Variants in WDR41 observed in about 807,000 individuals in gnomAD.
WDR41 encodes the protein WD repeat domain 41, also known as WD repeat-containing protein 41.
In WDR41, 63 loss-of-function variants were observed where a neutral mutation model predicts 69.3. The observed-to-expected ratio is 0.91, with a 90% CI of 0.74 to 1.12. WDR41 has a LOEUF of 1.12. Ranked by LOEUF, WDR41 falls within the 50% of genes most tolerant of loss-of-function variation. The pLI is 0.00. For missense variants in WDR41, 543 were observed against 534.5 expected (o/e 1.02, Z -0.16); for synonymous variants, 185 against 192.1 (o/e 0.96, Z 0.31).
chr5:77,501,335 C>A (rs1332383733), intron 1 of WDR41, among the ~76,000 whole-genome samples: 1 of 152,342 alleles, frequency 6.6e-6, no homozygotes, highest in East Asian at 1.9e-4. Context: ...GAGCATCCAC[C>A]ATTGCTGAGG....
Position 77,582,799 on chromosome 5 carries a change from T to C in WDR41, c.42+37680A>G, listed in dbSNP as rs545876998. ...GAGGATTGTAGAGCCATATATAGCATGGGGGTACCCCAATCTGAAGTCAGT... is the reference window on the plus strand; with the variant it reads ...GAGGATTGTAGAGCCATATATAGCACGGGGGTACCCCAATCTGAAGTCAGT... On this transcript the variant is annotated intron_variant, in intron 1 of 5. Transcript: ENST00000509971. 55 of 1,601,258 alleles carry C rather than the reference T, an allele frequency of 3.4e-5. 1 individual carries two copies. In the Middle Eastern group the frequency reaches 1.9e-3, roughly 55 times the overall value.
At chr5:77,561,221 T>A (rs1256653422) in intron 1 of WDR41, among the ~76,000 whole-genome samples, 5 of 152,134 alleles carry the variant, frequency 3.3e-5, no homozygotes, top group African/African-American at 1.2e-4. Flanking sequence ...CATATCAGTG[T>A]GATATAATTC....
chr5:77,559,551 A>G (rs963225676), intron 1 of WDR41, among the ~76,000 whole-genome samples: 1 of 151,934 alleles, frequency 6.6e-6, no homozygotes, highest in Admixed American at 6.6e-5. Context: ...TATGGACATG[A>G]TTTTTATATA....
At chr5:77,512,832 C>T (rs144115297) in intron 1 of WDR41, among the ~76,000 whole-genome samples, 239 of 150,738 alleles carry the variant, frequency 1.6e-3, no homozygotes, top group African/African-American at 5.3e-3. Flanking sequence ...ACACTGAAAT[C>T]AAATTAATAT....
intron 1 of WDR41, among the ~76,000 whole-genome samples, chr5:77,619,373 G>T (rs549752322): frequency 6.6e-6 from 1 of 152,206 alleles, no homozygotes; most frequent in Non-Finnish European, 1.5e-5. Context: ...AGAAACAAAA[G>T]TCCTGAATCT....
intron 4 of WDR41, among the ~76,000 whole-genome samples, chr5:77,461,508 T>G (rs1189753064): frequency 6.6e-6 from 1 of 152,222 alleles, no homozygotes; most frequent in Admixed American, 6.5e-5. Context: ...TGCTTGAAAG[T>G]GTTTACACAG....
chr5:77,587,464 GCAGTACGA>G (rs1435353732), intron 1 of WDR41, among the ~76,000 whole-genome samples: 1 of 152,138 alleles, frequency 6.6e-6, no homozygotes, highest in Admixed American at 6.5e-5. Context: ...ACTCTCACCA[GCAGTACGA>G]CAGTTCCCAT....
chr5:77,451,185 G>A, intron 7 of WDR41, 106 bp downstream of exon 7: 1 of 992,644 alleles, frequency 1.0e-6, no homozygotes, highest in Non-Finnish European at 1.6e-6. Context: ...GAAGCCAAGA[G>A]TGGGGCACAC....
chr5:77,450,426 T>C (rs1294346606), intron 7 of WDR41, among the ~76,000 whole-genome samples: 1 of 152,260 alleles, frequency 6.6e-6, no homozygotes, highest in Non-Finnish European at 1.5e-5. Context: ...CTTCTGACTA[T>C]AGTAATGTTC....
At position 77,471,161 on chromosome 5, in the gene WDR41, T is replaced by C. The variant is rs1257990962; in HGVS notation, c.168-6352A>G. Among the ~76,000 whole-genome samples the C allele has an allele frequency of 2.0e-5, 3 of 152,214 alleles. No individual in the cohort carries two copies. In the East Asian group the frequency reaches 5.8e-4, roughly 29 times the overall value. ...TCAACTACATGGAAACTGAACAACC[T>C]GCTCCTGAATGACTACTGGGTACAT... is the stretch of plus-strand genomic sequence containing the variant. On this transcript the variant is annotated intron_variant, in intron 2 of 12. Transcript: ENST00000296679.
intron 1 of WDR41, among the ~76,000 whole-genome samples, chr5:77,540,890 T>G (rs1465308601): frequency 6.6e-6 from 1 of 152,198 alleles, no homozygotes; most frequent in Admixed American, 6.5e-5. Flanking sequence ...AAAAGGAGAA[T>G]GTCTTGTTTC....
At chr5:77,526,393 T>G (rs1375852338) in intron 1 of WDR41, among the ~76,000 whole-genome samples, 1 of 152,146 alleles carries the variant, frequency 6.6e-6, no homozygotes, top group Non-Finnish European at 1.5e-5. Flanking sequence ...ATGTTCAAGT[T>G]TCCTTATTTG....
chr5:77,605,499 A>T (rs1208445977), intron 1 of WDR41, among the ~76,000 whole-genome samples: 1 of 152,216 alleles, frequency 6.6e-6, no homozygotes, highest in Non-Finnish European at 1.5e-5. Context: ...TTTTGTGTAC[A>T]GTCTTGTGAG....
upstream of WDR41, chr5:77,492,473 G>C: frequency 2.3e-6 from 1 of 430,864 alleles, no homozygotes; most frequent in Non-Finnish European, 4.0e-6. Context: ...GGCGGGGGCG[G>C]CTGCGGCGAT....
chr5:77,437,286 G>T, intron 11 of WDR41, 50 bp downstream of exon 11: 1 of 1,480,074 alleles, frequency 6.8e-7, no homozygotes, highest in Non-Finnish European at 9.4e-7. Context: ...TGCCTTTCAC[G>T]TGAGAAAAAA....
chr5:77,445,508 C>T (rs949190948), intron 8 of WDR41, among the ~76,000 whole-genome samples: 9 of 152,234 alleles, frequency 5.9e-5, no homozygotes, highest in Admixed American at 3.9e-4. Context: ...TTATGAACAT[C>T]GATGCGAAAA....
chr5:77,451,558 T>A, intron 6 of WDR41: 1 of 559,154 alleles, frequency 1.8e-6, no homozygotes. Flanking sequence ...ACATTATTGA[T>A]TTATTAAGAG....
intron 1 of WDR41, among the ~76,000 whole-genome samples, chr5:77,520,365 A>C (rs1802354316): frequency 1.3e-5 from 2 of 152,154 alleles, no homozygotes; most frequent in South Asian, 4.1e-4. Context: ...TTAACCCATT[A>C]ATTTTCACAC....
intron 1 of WDR41, among the ~76,000 whole-genome samples, chr5:77,520,990 G>A (rs1271707529): frequency 6.6e-6 from 1 of 152,078 alleles, no homozygotes; most frequent in African/African-American, 2.4e-5. Context: ...CTCATCCTCG[G>A]CCCCTGACCT....
Sources: gnomAD v4.1 joint callset for allele counts (sites outside exome capture counted in the v4.1 genomes callset) on GRCh38, gnomAD v4.1.1 for gene constraint, MANE v1.5 for transcripts, NCBI Gene and HGNC (gene_info 2026-07-23, HGNC 2026-07-21) for gene names.